Variants in CDYL observed in about 807,000 individuals in gnomAD.
CDYL encodes chromodomain Y-like protein.
A neutral mutation model predicts 47.3 loss-of-function variants in CDYL; 8 were observed. The observed-to-expected ratio is 0.17, with a 90% CI of 0.10 to 0.31. The LOEUF is 0.31. Ranked by LOEUF, CDYL falls within the 10% of genes least tolerant of loss-of-function variation. CDYL has a pLI of 1.00. For synonymous variants in CDYL, 266 were observed against 265.0 expected, an observed-to-expected ratio of 1.00 and a Z score of -0.04; for missense variants, 471 against 701.4, an observed-to-expected ratio of 0.67 and a Z score of 3.71.
intron 2 of CDYL, among the ~76,000 whole-genome samples, chr6:4,925,582 A>AT (rs1214355558): frequency 6.6e-6 from 1 of 151,538 alleles, no homozygotes; most frequent in South Asian, 2.1e-4. Context: ...CACTCGGCTA[A>AT]TTTTTTTGTA....
chr6:4,760,219 A>G (rs2127422662), intron 3 of CDYL, among the ~76,000 whole-genome samples: 1 of 152,176 alleles, frequency 6.6e-6, no homozygotes, highest in Admixed American at 6.5e-5. Flanking sequence ...TCCAAAGTGG[A>G]TGGCATTTTG....
At chr6:4,734,126 C>T (rs1757658281) in intron 2 of CDYL, among the ~76,000 whole-genome samples, 1 of 151,770 alleles carries the variant, frequency 6.6e-6, no homozygotes, top group African/African-American at 2.4e-5. Flanking sequence ...AGGCATGAGC[C>T]ACCACGCCCA....
At chr6:4,731,591 G>A (rs577754744) in intron 2 of CDYL, among the ~76,000 whole-genome samples, 1 of 152,234 alleles carries the variant, frequency 6.6e-6, no homozygotes, top group South Asian at 2.1e-4. Flanking sequence ...GAGGTCAGGA[G>A]TTCGAGACCA....
At chr6:4,731,248 T>G (rs1463804211) in intron 2 of CDYL, among the ~76,000 whole-genome samples, 3 of 152,214 alleles carry the variant, frequency 2.0e-5, no homozygotes, top group African/African-American at 7.2e-5. Flanking sequence ...CCTCCAGGTT[T>G]TTTCACATGA....
At chr6:4,735,103 A>T (rs1479434410) in intron 3 of CDYL, among the ~76,000 whole-genome samples, 3 of 152,060 alleles carry the variant, frequency 2.0e-5, no homozygotes, top group Non-Finnish European at 2.9e-5. Context: ...CCTGACCAAC[A>T]TGGAGAAACC....
Position 4,922,792 on chromosome 6 carries a change from C to T in CDYL, c.692-12723C>T, listed in dbSNP as rs973727019. Among the ~76,000 whole-genome samples, 4 of 152,122 alleles carry T rather than the reference C, an allele frequency of 2.6e-5. No homozygotes were observed. The South Asian group carries it at 8.3e-4, about 31-fold the overall frequency. On this transcript the variant is annotated intron_variant, in intron 2 of 6. Coordinates refer to ENST00000397588, the MANE Select transcript of CDYL (RefSeq NM_004824.4). ...TTACCCTGAATATCCTGTTTTGGGC[C>T]TCGAATGTGCAACATCAGCAATGGA...
intron 1 of CDYL, among the ~76,000 whole-genome samples, chr6:4,846,530 T>C (rs192863686): frequency 7.9e-5 from 12 of 152,250 alleles, no homozygotes; most frequent in Non-Finnish European, 1.0e-4. Context: ...CTTTCTTCCG[T>C]CAGAGTGCTG....
chr6:4,715,676 C>T (rs564897880), intron 1 of CDYL: 3 of 1,452,556 alleles, frequency 2.1e-6, no homozygotes, highest in Admixed American at 2.4e-5. Flanking sequence ...TCATTAAATG[C>T]CATGAGCCTT....
intron 1 of CDYL, among the ~76,000 whole-genome samples, chr6:4,782,556 AAGG>A (rs1758644669): frequency 6.6e-6 from 1 of 152,172 alleles, no homozygotes; most frequent in African/African-American, 2.4e-5. Flanking sequence ...TAAGCTGGGC[AAGG>A]TTTTGGGGTT....
At chr6:4,735,162 T>C (rs1260688559) in intron 3 of CDYL, among the ~76,000 whole-genome samples, 3 of 152,072 alleles carry the variant, frequency 2.0e-5, no homozygotes, top group East Asian at 1.9e-4. Context: ...GGCGCATGCC[T>C]GTAATCCCAG....
chr6:4,792,342 T>C (rs1156284233), intron 1 of CDYL, among the ~76,000 whole-genome samples: 1 of 152,120 alleles, frequency 6.6e-6, no homozygotes, highest in Non-Finnish European at 1.5e-5. Context: ...ATATATGGCT[T>C]TGTCCTTTTT....
At chr6:4,763,860 T>G (rs1365466244) in intron 3 of CDYL, among the ~76,000 whole-genome samples, 1 of 152,088 alleles carries the variant, frequency 6.6e-6, no homozygotes. Context: ...GGAGAATCAC[T>G]TGAACCCGGG....
chr6:4,784,121 G>A (rs1758691090), intron 1 of CDYL, among the ~76,000 whole-genome samples: 1 of 152,036 alleles, frequency 6.6e-6, no homozygotes, highest in South Asian at 2.1e-4. Flanking sequence ...TGTTTAATCT[G>A]CTGTTTTATT....
intron 1 of CDYL, among the ~76,000 whole-genome samples, chr6:4,861,551 A>G (rs1397607508): frequency 2.0e-5 from 3 of 152,246 alleles, no homozygotes; most frequent in African/African-American, 7.2e-5. Flanking sequence ...AGGACAGGAA[A>G]TGGAAACCTG....
At chr6:4,942,805 G>T (rs571221855) in intron 4 of CDYL, among the ~76,000 whole-genome samples, 1 of 152,262 alleles carries the variant, frequency 6.6e-6, no homozygotes, top group East Asian at 1.9e-4. Context: ...GCTGCCCCAC[G>T]CCTGACCCCA....
At chr6:4,948,675 C>T (rs1758605445) in intron 5 of CDYL, among the ~76,000 whole-genome samples, 1 of 152,108 alleles carries the variant, frequency 6.6e-6, no homozygotes, top group African/African-American at 2.4e-5. Flanking sequence ...TGCATGTAGC[C>T]CCCACAGGAC....
chr6:4,798,024 A>G (rs1421943265), intron 1 of CDYL, among the ~76,000 whole-genome samples: 1 of 151,838 alleles, frequency 6.6e-6, no homozygotes, highest in Non-Finnish European at 1.5e-5. Context: ...CCAGGCTGGA[A>G]TGCAGTGGCG....
chr6:4,811,221 T>C (rs1021988158), intron 1 of CDYL, among the ~76,000 whole-genome samples: 2 of 152,198 alleles, frequency 1.3e-5, no homozygotes, highest in African/African-American at 2.4e-5. Context: ...AAGTAAAACA[T>C]AGTAGACCAT....
intron 2 of CDYL, among the ~76,000 whole-genome samples, chr6:4,716,635 G>C (rs1186658310): frequency 7.1e-6 from 1 of 141,358 alleles, no homozygotes; most frequent in East Asian, 2.0e-4. Context: ...ACTAAGGGAT[G>C]CCTGAATTCT....
Sources: gnomAD v4.1 joint callset for allele counts (sites outside exome capture counted in the v4.1 genomes callset) on GRCh38, gnomAD v4.1.1 for gene constraint, MANE v1.5 for transcripts, NCBI Gene and HGNC (gene_info 2026-07-23, HGNC 2026-07-21) for gene names.